Variants in ADAM12 observed in about 807,000 individuals in gnomAD.
ADAM12 encodes the protein disintegrin and metalloproteinase domain-containing protein 12.
Under a neutral mutation model 106.4 loss-of-function variants are expected in ADAM12, and 70 were observed. The observed-to-expected ratio is 0.66, with a 90% CI of 0.54 to 0.80. ADAM12 has a LOEUF of 0.80. Among genes scored for constraint, ADAM12 ranks in the 30% least tolerant of loss-of-function variants. ADAM12 has a pLI of 0.00. For missense variants in ADAM12, 1,010 were observed against 1,171.9 expected (o/e 0.86, Z 2.02); for synonymous variants, 420 against 433.5 (o/e 0.97, Z 0.39).
At chr10:126,356,930 A>C (rs115848367) in intron 1 of ADAM12, among the ~76,000 whole-genome samples, 3,045 of 152,322 alleles carry the variant, frequency 0.02, 94 homozygotes, top group African/African-American at 0.065. Context: ...TCAGAGGAAC[A>C]AACAGAAAAA....
At chr10:126,054,230 T>C (rs1954577411) in intron 14 of ADAM12, among the ~76,000 whole-genome samples, 1 of 152,260 alleles carries the variant, frequency 6.6e-6, no homozygotes, top group South Asian at 2.1e-4. Flanking sequence ...CTATTGCTTA[T>C]GAAAGTGAAC....
At chr10:126,074,501 G>C (rs1164493711) in intron 11 of ADAM12, among the ~76,000 whole-genome samples, 1 of 152,188 alleles carries the variant, frequency 6.6e-6, no homozygotes, top group Non-Finnish European at 1.5e-5. Context: ...AGAATGTGTA[G>C]GAGAGGAGAA....
At chr10:126,109,202 G>C (rs191877013) in intron 7 of ADAM12, among the ~76,000 whole-genome samples, 3 of 152,290 alleles carry the variant, frequency 2.0e-5, no homozygotes, top group Admixed American at 1.3e-4. Context: ...CATAGGTGTT[G>C]AAAGAGTCTA....
At chr10:126,237,738 G>A (rs2133642527) in intron 3 of ADAM12, among the ~76,000 whole-genome samples, 1 of 152,266 alleles carries the variant, frequency 6.6e-6, no homozygotes. Context: ...CTGACAATCA[G>A]CCCATTGCAT....
At position 126,014,312 on chromosome 10, in the gene ADAM12, G is replaced by GTTTTTTTTTTTTTTTTTTTTTT. The variant is rs145629858; in HGVS notation, c.*2966_*2967insAAAAAAAAAAAAAAAAAAAAAA. On this transcript the variant is annotated 3_prime_UTR_variant, in exon 23 of 23. Coordinates refer to ENST00000448723, the MANE Select transcript of ADAM12 (RefSeq NM_001288973.2). ...AGAACATTTTGACACAGTTTTAGCCGGTTTTTTTTTTTTTTTTTTTTTTTT... is the reference window on the plus strand; with the variant it reads ...AGAACATTTTGACACAGTTTTAGCCGTTTTTTTTTTTTTTTTTTTTTTGTTTTTTTTTTTTTTTTTTTTTTTT... 2 of 87,672 alleles carry GTTTTTTTTTTTTTTTTTTTTTT rather than the reference G, an allele frequency of 2.3e-5. No individual in the cohort carries two copies. The highest frequency in any genetic ancestry group is 4.5e-5 in the Non-Finnish European group (2 of 44,600). The allele number at this position is 87,672 out of a possible 1,614,324, so 5.4% of individuals were successfully genotyped here. A position where few individuals can be genotyped will look rare whatever the true frequency, so the allele number is the denominator to read the frequency against.
chr10:126,043,234 G>GT lies in ADAM12; in HGVS notation c.1996-87_1996-86insA. The GT allele has an allele frequency of 8.3e-7, 1 of 1,205,754 alleles. No individual in the cohort carries two copies. The highest frequency in any genetic ancestry group is 1.2e-6 in the Non-Finnish European group (1 of 849,106). 74.7% of individuals were successfully genotyped at this position (1,205,754 alleles called of 1,614,324 possible). A position where few individuals can be genotyped will look rare whatever the true frequency, so the allele number is the denominator to read the frequency against. On this transcript the variant is annotated intron_variant, in intron 17 of 22. Transcript: ENST00000448723. The surrounding 1 kb of genome is among the most constrained non-coding windows in gnomAD (Gnocchi z 4.1). ...AGAAGCAAGGGGGGCCATGGTCAGA[G>GT]CCCCCCCCCAACACTGACACAGCCA...
chr10:126,274,985 T>C (rs1266847747), intron 3 of ADAM12, among the ~76,000 whole-genome samples: 1 of 152,252 alleles, frequency 6.6e-6, no homozygotes, highest in Admixed American at 6.5e-5. Flanking sequence ...GTAAGAGATG[T>C]CTGGAATCGT....
chr10:126,166,508 G>GTTTTTTGT (rs753925972), intron 3 of ADAM12, among the ~76,000 whole-genome samples: 17 of 151,484 alleles, frequency 1.1e-4, no homozygotes, highest in Admixed American at 2.6e-4. Flanking sequence ...TTTGTTTTTT[G>GTTTTTTGT]TTTTTTTTGA....
chr10:126,015,071 C>G lies in ADAM12; in HGVS notation c.*2208G>C, dbSNP rs1953639290. 1 of 152,072 alleles carries G rather than the reference C, an allele frequency of 6.6e-6. No individual in the cohort carries two copies. Among genetic ancestry groups the G allele is most frequent in the South Asian group, 2.1e-4 (1 of 4,818 alleles). 9.4% of individuals were successfully genotyped at this position (152,072 alleles called of 1,614,324 possible). On this transcript the variant is annotated 3_prime_UTR_variant, in exon 23 of 23. Coordinates refer to ENST00000448723, the MANE Select transcript of ADAM12 (RefSeq NM_001288973.2). ...ATATTAGTTTAAATATGTTCTTATTCAGAAATAAAATGCATGGCTCTATAA... is the reference window on the plus strand; with the variant it reads ...ATATTAGTTTAAATATGTTCTTATTGAGAAATAAAATGCATGGCTCTATAA...
chr10:126,224,492 C>T (rs1958154326), intron 3 of ADAM12, among the ~76,000 whole-genome samples: 1 of 151,908 alleles, frequency 6.6e-6, no homozygotes, highest in Non-Finnish European at 1.5e-5. Context: ...GAAGGATGGA[C>T]AGTGGCTCTT....
In ADAM12 at chr10:126,049,479, A is replaced by G. The variant is rs534366100; in HGVS notation, c.1719-28T>C. ...GGAAGGGTAAGAACAAACAATTCCC[A>G]AGGAGAAACCATTTGGAACCAACCC... On this transcript the variant is annotated intron_variant, in intron 15 of 22. Coordinates refer to ENST00000448723, the MANE Select transcript of ADAM12 (RefSeq NM_001288973.2). This position sits in a 1 kb window ranked among gnomAD's most constrained non-coding sequence, Gnocchi z 4.4. 4 of 1,614,060 alleles carry G rather than the reference A, an allele frequency of 2.5e-6. No individual in the cohort carries two copies. In the East Asian group the frequency reaches 8.9e-5, roughly 36 times the overall value.
rs542249619 is a variant in ADAM12 at position 126,266,535 on chromosome 10, T to C, written c.260+12380A>G. Among the ~76,000 whole-genome samples the C allele has an allele frequency of 3.3e-5, 5 of 152,298 alleles. No individual in the cohort carries two copies. The East Asian group carries it at 7.7e-4, about 24-fold the overall frequency. ...AGCAATGGCAGCAGAACAGCACTCATGCTGTGAATGGCAGTGCAGTGTCAA... is the reference window on the plus strand; with the variant it reads ...AGCAATGGCAGCAGAACAGCACTCACGCTGTGAATGGCAGTGCAGTGTCAA... On this transcript the variant is annotated intron_variant, in intron 3 of 22. Transcript: ENST00000448723.
intron 6 of ADAM12, among the ~76,000 whole-genome samples, chr10:126,114,660 C>T (rs914614118): frequency 3.9e-5 from 6 of 151,992 alleles, no homozygotes; most frequent in African/African-American, 1.2e-4. Flanking sequence ...TTGTATTTTT[C>T]GTAGAGATGG....
chr10:126,186,824 A>G (rs1029708237), intron 3 of ADAM12, among the ~76,000 whole-genome samples: 1 of 152,174 alleles, frequency 6.6e-6, no homozygotes, highest in African/African-American at 2.4e-5. Context: ...TGAAATTGAC[A>G]TTTCTGCAGG....
chr10:126,311,042 T>C (rs4962549), intron 2 of ADAM12, among the ~76,000 whole-genome samples: 107,732 of 150,876 alleles, frequency 0.71, 38,689 homozygotes, highest in Admixed American at 0.78. Context: ...CTAAATCTCC[T>C]GCCCACCTTT....
At chr10:126,170,340 C>A (rs60326159) in intron 3 of ADAM12, among the ~76,000 whole-genome samples, 1 of 151,586 alleles carries the variant, frequency 6.6e-6, no homozygotes, top group Admixed American at 6.6e-5. Flanking sequence ...CTGAAGTGTT[C>A]TAAATTGGCC....
At chr10:126,145,945 G>C (rs1956619366) in intron 4 of ADAM12, among the ~76,000 whole-genome samples, 1 of 152,222 alleles carries the variant, frequency 6.6e-6, no homozygotes, top group South Asian at 2.1e-4. Flanking sequence ...GGAGGCATTG[G>C]GGGAAGCTGC....
chr10:126,037,107 C>CAGAGT (rs1398645356), intron 20 of ADAM12, among the ~76,000 whole-genome samples: 1 of 152,140 alleles, frequency 6.6e-6, no homozygotes, highest in East Asian at 1.9e-4. Context: ...AGTGGGATCA[C>CAGAGT]AGAGTATATA....
At chr10:126,265,738 T>G (rs1333370649) in intron 3 of ADAM12, among the ~76,000 whole-genome samples, 1 of 152,052 alleles carries the variant, frequency 6.6e-6, no homozygotes, top group African/African-American at 2.4e-5. Context: ...AAAAATCTGG[T>G]TTCATTTGTA....
Sources: allele counts gnomAD v4.1 joint callset (sites outside exome capture counted in the v4.1 genomes callset), GRCh38; gene constraint gnomAD v4.1.1; non-coding constraint Gnocchi (gnomAD v3.1); transcripts MANE v1.5; gene names NCBI Gene and HGNC (gene_info 2026-07-23, HGNC 2026-07-21).